KCNK2: variants seen among roughly 807,000 people sequenced by gnomAD.
The protein encoded by KCNK2 is potassium channel subfamily K member 2.
Under a neutral mutation model 40.5 loss-of-function variants are expected in KCNK2, and 21 were observed. The ratio of observed to expected loss-of-function variants is 0.52; its 90% CI spans 0.37 to 0.75. The LOEUF (loss-of-function observed/expected upper bound fraction) is 0.75, where lower values mean the gene tolerates loss of function less well. KCNK2 is among the 30% of genes least tolerant of loss of function. KCNK2 has a pLI of 0.00. For missense variants in KCNK2, 399 were observed against 531.6 expected (o/e 0.75, Z 2.45); for synonymous variants, 191 against 202.2 (o/e 0.94, Z 0.47).
chr1:215,232,651 T>C (rs1666716601), intron 6 of KCNK2, among the ~76,000 whole-genome samples: 1 of 152,186 alleles, frequency 6.6e-6, no homozygotes, highest in Non-Finnish European at 1.5e-5. Flanking sequence ...AGGTGAACAT[T>C]TGAATTTTGA....
chr1:215,064,673 T>C (rs1001994907), intron 1 of KCNK2, among the ~76,000 whole-genome samples: 3 of 152,148 alleles, frequency 2.0e-5, no homozygotes, highest in African/African-American at 7.2e-5. Flanking sequence ...AAGAGGATGA[T>C]ACCATCTAAG....
chr1:215,027,444 G>A (rs1657037995), intron 1 of KCNK2, among the ~76,000 whole-genome samples: 1 of 152,046 alleles, frequency 6.6e-6, no homozygotes, highest in Non-Finnish European at 1.5e-5. Flanking sequence ...ATTGGGATTA[G>A]CTGTTAAATA....
chr1:215,181,346 T>A (rs991274626), intron 5 of KCNK2, among the ~76,000 whole-genome samples: 2 of 152,198 alleles, frequency 1.3e-5, no homozygotes, highest in African/African-American at 4.8e-5. Context: ...ATTCTTTATC[T>A]GTCATTTCTG....
chr1:215,083,522 G>A, intron 1 of KCNK2, 91 bp downstream of exon 1: 1 of 932,340 alleles, frequency 1.1e-6, no homozygotes, highest in Non-Finnish European at 1.8e-6. Flanking sequence ...CCCCCTCTCA[G>A]CAAGCGGCCG....
At chr1:215,148,460 G>A (rs1169123229) in intron 3 of KCNK2, among the ~76,000 whole-genome samples, 1 of 151,998 alleles carries the variant, frequency 6.6e-6, no homozygotes, top group African/African-American at 2.4e-5. Flanking sequence ...AAATAAAAAT[G>A]AGTACAAGTA....
chr1:215,234,696 A>G, intron 6 of KCNK2, 132 bp from the exon 7 acceptor site: 1 of 778,468 alleles, frequency 1.3e-6, no homozygotes, highest in Non-Finnish European at 2.1e-6. Context: ...CAATTCTCAG[A>G]CCACCAGTGC....
At chr1:215,204,517 CT>C (rs1235906177) in intron 6 of KCNK2, among the ~76,000 whole-genome samples, 1 of 151,886 alleles carries the variant, frequency 6.6e-6, no homozygotes, top group African/African-American at 2.4e-5. Flanking sequence ...TATTATTTTT[CT>C]TTTTTGATTA....
chr1:215,145,144 G>A (rs1283669493), intron 3 of KCNK2, among the ~76,000 whole-genome samples: 1 of 152,066 alleles, frequency 6.6e-6, no homozygotes, highest in African/African-American at 2.4e-5. Flanking sequence ...ATTGACATCA[G>A]ACCCTTATTC....
chr1:215,033,481 G>C (rs958322517), intron 1 of KCNK2, among the ~76,000 whole-genome samples: 1 of 152,060 alleles, frequency 6.6e-6, no homozygotes, highest in African/African-American at 2.4e-5. Context: ...ACAAATAACT[G>C]TTGTAAATAG....
intron 6 of KCNK2, among the ~76,000 whole-genome samples, chr1:215,204,752 C>A (rs1406943347): frequency 1.3e-5 from 2 of 152,074 alleles, no homozygotes; most frequent in Non-Finnish European, 2.9e-5. Flanking sequence ...GGTTTTAGTT[C>A]CTCTTTAAGA....
intron 1 of KCNK2, among the ~76,000 whole-genome samples, chr1:215,070,403 G>A (rs1344439437): frequency 4.5e-5 from 6 of 134,080 alleles, no homozygotes; most frequent in African/African-American, 1.4e-4. Flanking sequence ...GCAACAGAGT[G>A]AGACCCCGTC....
At chr1:215,171,961 T>C in intron 4 of KCNK2, 36 bp from the exon 5 acceptor site, 3 of 1,429,552 alleles carry the variant, frequency 2.1e-6, no homozygotes, top group Non-Finnish European at 1.9e-6. Flanking sequence ...TATATACATA[T>C]ATATATATAC....
At chr1:215,207,680 A>G (rs1051951115) in intron 6 of KCNK2, among the ~76,000 whole-genome samples, 1 of 152,214 alleles carries the variant, frequency 6.6e-6, no homozygotes, top group African/African-American at 2.4e-5. Flanking sequence ...GATAAATTCT[A>G]GCTCCCATCC....
intron 3 of KCNK2, among the ~76,000 whole-genome samples, chr1:215,163,732 C>T (rs1000430069): frequency 2.0e-5 from 3 of 152,070 alleles, no homozygotes; most frequent in African/African-American, 7.2e-5. Flanking sequence ...TATTGATTTG[C>T]GTATGTTGAA....
intron 5 of KCNK2, among the ~76,000 whole-genome samples, chr1:215,189,872 T>C (rs1326194626): frequency 6.6e-6 from 1 of 152,110 alleles, no homozygotes; most frequent in African/African-American, 2.4e-5. Flanking sequence ...CTTTAATTAA[T>C]AAAAGTAAAG....
intron 6 of KCNK2, among the ~76,000 whole-genome samples, chr1:215,225,409 T>A (rs1251696178): frequency 1.3e-5 from 2 of 152,248 alleles, no homozygotes; most frequent in Non-Finnish European, 2.9e-5. Context: ...CCTTTTCCTT[T>A]GCTGGAAATT....
chr1:215,149,681 C>T (rs1026568691), intron 3 of KCNK2, among the ~76,000 whole-genome samples: 1 of 152,070 alleles, frequency 6.6e-6, no homozygotes, highest in African/African-American at 2.4e-5. Flanking sequence ...GAAGTTAACT[C>T]AATAAGTACG....
In KCNK2 at chr1:215,236,283, CT is replaced by C. The variant is rs1321375045; in HGVS notation, c.*1142del. ...ATGTATGAAAGGCTTATATAATTTTCTTTTCGTTGGGTGACTTTTGCCAGAT... is the reference window on the plus strand; with the variant it reads ...ATGTATGAAAGGCTTATATAATTTTCTTTCGTTGGGTGACTTTTGCCAGAT... On this transcript the variant is annotated 3_prime_UTR_variant, in exon 7 of 7. Transcript: ENST00000444842. 1 of 152,334 alleles carries C rather than the reference CT, an allele frequency of 6.6e-6. No individual in the cohort carries two copies. The highest frequency in any genetic ancestry group is 6.6e-5 in the Admixed American group (1 of 15,264). The allele number at this position is 152,334 out of a possible 1,614,324, so 9.4% of individuals were successfully genotyped here. A position where few individuals can be genotyped will look rare whatever the true frequency, so the allele number is the denominator to read the frequency against.
intron 6 of KCNK2, among the ~76,000 whole-genome samples, chr1:215,223,266 A>G (rs1571748843): frequency 6.7e-6 from 1 of 149,416 alleles, no homozygotes; most frequent in South Asian, 2.2e-4. Context: ...AAAAAAAGTC[A>G]AAACTCTTAC....
Sources: allele counts gnomAD v4.1 joint callset (sites outside exome capture counted in the v4.1 genomes callset), GRCh38; gene constraint gnomAD v4.1.1; transcripts MANE v1.5; gene names NCBI Gene and HGNC (gene_info 2026-07-23, HGNC 2026-07-21).